Variants in SMARCA2 observed in about 807,000 individuals in gnomAD.
The protein encoded by SMARCA2 is SWI/SNF-related matrix-associated actin-dependent regulator of chromatin subfamily A member 2.
SMARCA2 carries 61 observed loss-of-function variants against 199.8 expected under a neutral mutation model. The ratio of observed to expected loss-of-function variants is 0.31; its 90% CI spans 0.25 to 0.38. SMARCA2 has a LOEUF of 0.38. SMARCA2 is among the 10% of genes least tolerant of loss of function. SMARCA2 has a pLI of 1.00. For synonymous variants in SMARCA2, 935 were observed against 732.0 expected (o/e 1.28, Z -4.48); for missense variants, 1,344 against 2,012.2 (o/e 0.67, Z 6.35).
rs200463125 is a variant in SMARCA2, at chr9:2,096,709, G to A, written c.2936G>A (p.Arg979His). ...DMSALQKILY[R>H]HMQAKGILLT... ...TCAGCTCTGCAGAAGATTCTGTATC[G>A]CCATATGCAAGCCAAGGGGATCCTT... The change falls in exon 20 of 34, where the codon CGC becomes CAC. Residue 979 changes from arginine (R) to histidine (H), a missense_variant. Transcript: ENST00000349721. 1.2e-6 allele frequency: 2 copies of A among 1,613,838 alleles called. No homozygotes were observed. Among genetic ancestry groups the A allele is most frequent in the Non-Finnish European group, 1.7e-6 (2 of 1,179,744 alleles).
At chr9:2,173,678 G>A (rs1444176177) in intron 29 of SMARCA2, among the ~76,000 whole-genome samples, 1 of 152,126 alleles carries the variant, frequency 6.6e-6, no homozygotes. Flanking sequence ...CCCAGAGTGA[G>A]TTCTTCCAAC....
intron 5 of SMARCA2, among the ~76,000 whole-genome samples, chr9:2,050,868 A>C (rs1820087732): frequency 6.6e-6 from 1 of 152,232 alleles, no homozygotes; most frequent in Non-Finnish European, 1.5e-5. Flanking sequence ...CATTTAATGC[A>C]ACTCTTTTTC....
At chr9:2,030,456 G>A (rs1819013351) in intron 2 of SMARCA2, among the ~76,000 whole-genome samples, 1 of 151,796 alleles carries the variant, frequency 6.6e-6, no homozygotes, top group African/African-American at 2.4e-5. Flanking sequence ...AGCCAGAAGA[G>A]TCAGTGGAGT....
At chr9:2,188,101 A>C (rs1827614204) in intron 32 of SMARCA2, among the ~76,000 whole-genome samples, 1 of 152,230 alleles carries the variant, frequency 6.6e-6, no homozygotes, top group African/African-American at 2.4e-5. Flanking sequence ...ATGTTAATAC[A>C]GATGATTTGG....
At position 2,017,356 on chromosome 9, in the gene SMARCA2, G is replaced by C. The variant is rs959219954; in HGVS notation, c.-37+1952G>C. ...GAGCTCCCGCGGCTCCAGCCTCCGC[G>C]CCCTCCCGGCCGGCGCGAGTGTGTC... is the stretch of plus-strand genomic sequence containing the variant. On this transcript the variant is annotated intron_variant, in intron 1 of 33. Transcript: ENST00000349721. The surrounding 1 kb of genome is among the most constrained non-coding windows in gnomAD (Gnocchi z 8.8). 3 of 152,082 alleles carry C rather than the reference G, an allele frequency of 2.0e-5. No individual in the cohort carries two copies. Among genetic ancestry groups the C allele is most frequent in the Admixed American group, 2.0e-4 (3 of 15,260 alleles). The allele number at this position is 152,082 out of a possible 1,614,324, so 9.4% of individuals were successfully genotyped here. A position where few individuals can be genotyped will look rare whatever the true frequency, so the allele number is the denominator to read the frequency against.
At chr9:2,171,870 C>T (rs991781173) in intron 29 of SMARCA2, among the ~76,000 whole-genome samples, 4 of 152,128 alleles carry the variant, frequency 2.6e-5, no homozygotes, top group East Asian at 3.9e-4. Context: ...CATGTGACCA[C>T]GAAAAGTAGA....
chr9:2,067,881 T>C (rs1250681226), intron 9 of SMARCA2, among the ~76,000 whole-genome samples: 1 of 152,212 alleles, frequency 6.6e-6, no homozygotes, highest in Non-Finnish European at 1.5e-5. Context: ...TATAGGACAT[T>C]CATAGGAAAG....
intron 3 of SMARCA2, among the ~76,000 whole-genome samples, chr9:2,035,196 C>A (rs1819272834): frequency 6.6e-6 from 1 of 151,978 alleles, no homozygotes; most frequent in Non-Finnish European, 1.5e-5. Context: ...CGTGTGCCAC[C>A]ACACCCAGCT....
chr9:2,065,182 C>T (rs1302199874), intron 9 of SMARCA2, among the ~76,000 whole-genome samples: 1 of 151,566 alleles, frequency 6.6e-6, no homozygotes, highest in Non-Finnish European at 1.5e-5. Flanking sequence ...GAGACTCTGT[C>T]TCAAAAAAAA....
rs1360923701 is a variant in SMARCA2, at chr9:2,097,442, A to T, written c.3049A>T (p.Asn1017Tyr). Residue 1017 changes from asparagine (N) to tyrosine (Y), a missense_variant, in exon 21 of 34, where the codon AAC becomes TAC. Coordinates refer to ENST00000349721, the MANE Select transcript of SMARCA2 (RefSeq NM_003070.5). Reference protein sequence around the residue: ...NTIMQLRKICNHPYMFQHIEE... With the variant: ...NTIMQLRKICYHPYMFQHIEE... The stretch of plus-strand genomic sequence containing the variant: ...TATTATGCAGTTGAGAAAAATCTGC[A>T]ACCACCCATATATGTTTCAGCACAT... 6.2e-7 allele frequency: 1 copy of T among 1,611,876 alleles called. No individual in the cohort carries two copies. Among genetic ancestry groups the T allele is most frequent in the Admixed American group, 1.7e-5 (1 of 60,006 alleles).
intron 22 of SMARCA2, among the ~76,000 whole-genome samples, chr9:2,103,205 T>C (rs1174163681): frequency 6.6e-6 from 1 of 152,156 alleles, no homozygotes; most frequent in Admixed American, 6.6e-5. Flanking sequence ...AGATTGTAAA[T>C]ATTTTCAGCT....
At position 2,193,101 on chromosome 9, in the gene SMARCA2, T is replaced by C. The variant is rs1376353345; in HGVS notation, c.*362T>C. On this transcript the variant is annotated 3_prime_UTR_variant, in exon 34 of 34. Transcript: ENST00000349721. ...TTCAGATGAGAAGATTTTTGTCTTT[T>C]GTAGCACTGATAACCAGGAGAAGCC... is the stretch of plus-strand genomic sequence containing the variant. 2 of 192,508 alleles carry C rather than the reference T, an allele frequency of 1.0e-5. No individual in the cohort carries two copies. 11.9% of individuals were successfully genotyped at this position (192,508 alleles called of 1,614,324 possible).
intron 9 of SMARCA2, among the ~76,000 whole-genome samples, chr9:2,069,956 C>A (rs1360829366): frequency 6.6e-6 from 1 of 152,110 alleles, no homozygotes; most frequent in Non-Finnish European, 1.5e-5. Flanking sequence ...CCCCAGTAGT[C>A]CCCAGTGTCT....
At chr9:2,069,473 G>A (rs1211904943) in intron 9 of SMARCA2, among the ~76,000 whole-genome samples, 2 of 151,552 alleles carry the variant, frequency 1.3e-5, no homozygotes, top group Non-Finnish European at 2.9e-5. Context: ...GCAGGAGAAT[G>A]GCGTGAACAC....
chr9:2,151,198 TGTTCA>T (rs1825055568), intron 27 of SMARCA2, among the ~76,000 whole-genome samples: 1 of 151,610 alleles, frequency 6.6e-6, no homozygotes, highest in Non-Finnish European at 1.5e-5. Context: ...AGCGAGCGTC[TGTTCA>T]GTTCATGCAC....
chr9:2,097,340 C>G (rs1822314634), intron 20 of SMARCA2, 45 bp from the exon 21 acceptor site: 3 of 1,234,804 alleles, frequency 2.4e-6, no homozygotes, highest in East Asian at 2.3e-5. Context: ...AAATGTCTGA[C>G]CAGTTAATAA....
chr9:2,181,464 T>C, intron 29 of SMARCA2, 107 bp from the exon 30 acceptor site: 1 of 675,516 alleles, frequency 1.5e-6, no homozygotes, highest in Non-Finnish European at 2.7e-6. Flanking sequence ...CATATCTATA[T>C]GCGTGGAATA....
At position 2,033,222 on chromosome 9, in the gene SMARCA2, A is replaced by G. The variant is rs746795046; in HGVS notation, c.355+141A>G. ...AGGTTTCTTTTCCTTATGGAAATCT[A>G]CCTCCGTCCTCACCAATACAACCTG... On this transcript the variant is annotated intron_variant, in intron 3 of 33. Transcript: ENST00000349721. 1.4e-4 allele frequency: 116 copies of G among 849,326 alleles called. 1 individual carries two copies. In the Middle Eastern group the frequency reaches 2.7e-3, roughly 19 times the overall value. 52.6% of individuals were successfully genotyped at this position (849,326 alleles called of 1,614,324 possible).
intron 29 of SMARCA2, among the ~76,000 whole-genome samples, chr9:2,172,608 G>C (rs566071913): frequency 6.6e-6 from 1 of 152,126 alleles, no homozygotes; most frequent in Non-Finnish European, 1.5e-5. Context: ...AACAGATCCC[G>C]GAGGGCCTTG....
Sources: allele counts gnomAD v4.1 joint callset (sites outside exome capture counted in the v4.1 genomes callset), GRCh38; gene constraint gnomAD v4.1.1; non-coding constraint Gnocchi (gnomAD v3.1); transcripts MANE v1.5; gene names NCBI Gene and HGNC (gene_info 2026-07-23, HGNC 2026-07-21).